Variants in CADM2 observed in about 807,000 individuals in gnomAD.
The protein encoded by CADM2 is cell adhesion molecule 2.
A neutral mutation model predicts 49.8 loss-of-function variants in CADM2; 12 were observed. The observed-to-expected ratio is 0.24, with a 90% CI of 0.15 to 0.39. The LOEUF is 0.39. CADM2 is among the 10% of genes least tolerant of loss of function. The pLI, the probability that CADM2 is intolerant of heterozygous loss-of-function variation, is 1.00. For synonymous variants in CADM2, 214 were observed against 175.4 expected (o/e 1.22, Z -1.74); for missense variants, 378 against 492.3 (o/e 0.77, Z 2.20).
intron 1 of CADM2, among the ~76,000 whole-genome samples, chr3:85,562,629 A>G (rs1429210558): frequency 6.6e-6 from 1 of 152,098 alleles, no homozygotes; most frequent in Non-Finnish European, 1.5e-5. Flanking sequence ...TTTCTACATT[A>G]TATAGCCCAA....
At chr3:85,590,973 G>T (rs961439216) in intron 1 of CADM2, among the ~76,000 whole-genome samples, 1 of 150,192 alleles carries the variant, frequency 6.7e-6, no homozygotes, top group Non-Finnish European at 1.5e-5. Context: ...TGGTTGATTG[G>T]TATTTTGTAG....
intron 3 of CADM2, among the ~76,000 whole-genome samples, chr3:85,877,318 GT>G (rs934131369): frequency 1.3e-5 from 2 of 151,914 alleles, no homozygotes; most frequent in African/African-American, 4.8e-5. Flanking sequence ...AAATGTTTGA[GT>G]TTTTAGTTTA....
intron 1 of CADM2, among the ~76,000 whole-genome samples, chr3:85,624,263 C>T (rs1308346534): frequency 6.6e-6 from 1 of 152,082 alleles, no homozygotes; most frequent in Non-Finnish European, 1.5e-5. Context: ...TAATATCTAG[C>T]CAGACTATTT....
At chr3:85,583,638 A>G (rs1419391737) in intron 1 of CADM2, among the ~76,000 whole-genome samples, 1 of 152,150 alleles carries the variant, frequency 6.6e-6, no homozygotes, top group Non-Finnish European at 1.5e-5. Flanking sequence ...TTATCATTAA[A>G]TGTGGGAGCA....
chr3:84,982,731 A>ATATATG (rs2032271199), intron 1 of CADM2, among the ~76,000 whole-genome samples: 2 of 114,852 alleles, frequency 1.7e-5, no homozygotes, highest in Non-Finnish European at 1.9e-5. Context: ...ATATATATAT[A>ATATATG]TATACATTTT....
intron 1 of CADM2, among the ~76,000 whole-genome samples, chr3:85,592,999 A>C (rs1028936948): frequency 6.6e-6 from 1 of 151,862 alleles, no homozygotes; most frequent in East Asian, 1.9e-4. Context: ...AAGGGACTCC[A>C]AAGAGCCTGT....
chr3:85,891,988 GT>G (rs1178881705), intron 5 of CADM2, among the ~76,000 whole-genome samples: 1 of 152,168 alleles, frequency 6.6e-6, no homozygotes, highest in East Asian at 1.9e-4. Context: ...TTACACAGCA[GT>G]ATTAGGAAAC....
chr3:85,916,847 T>G (rs1397665034), intron 6 of CADM2, among the ~76,000 whole-genome samples: 1 of 152,170 alleles, frequency 6.6e-6, no homozygotes, highest in Non-Finnish European at 1.5e-5. Flanking sequence ...TTTCCTGACT[T>G]TTTAATGATC....
chr3:85,409,832 A>G (rs2035575832), intron 1 of CADM2, among the ~76,000 whole-genome samples: 1 of 152,178 alleles, frequency 6.6e-6, no homozygotes, highest in East Asian at 1.9e-4. Flanking sequence ...AGATGGCCCC[A>G]AATTTTCTAC....
At chr3:85,645,940 C>T (rs946443955) in intron 1 of CADM2, among the ~76,000 whole-genome samples, 2 of 152,000 alleles carry the variant, frequency 1.3e-5, no homozygotes, top group African/African-American at 4.8e-5. Flanking sequence ...TATGGTGTCT[C>T]TTTTAGAAAT....
intron 1 of CADM2, among the ~76,000 whole-genome samples, chr3:85,371,017 T>G (rs1450747954): frequency 6.6e-6 from 1 of 152,186 alleles, no homozygotes; most frequent in Non-Finnish European, 1.5e-5. Context: ...GTTTTGTATT[T>G]TATACAGGTG....
chr3:85,691,871 A>C (rs1316516189), intron 1 of CADM2, among the ~76,000 whole-genome samples: 1 of 152,192 alleles, frequency 6.6e-6, no homozygotes, highest in East Asian at 1.9e-4. Flanking sequence ...AAACTATTGC[A>C]AGGACAAAAA....
intron 1 of CADM2, among the ~76,000 whole-genome samples, chr3:85,002,042 T>C (rs112830512): frequency 1.8e-4 from 27 of 152,092 alleles, no homozygotes; most frequent in African/African-American, 6.3e-4. Context: ...ATTTAAAAAT[T>C]TTTATTCTAC....
At chr3:85,154,268 AG>A (rs2040026916) in intron 1 of CADM2, among the ~76,000 whole-genome samples, 1 of 152,226 alleles carries the variant, frequency 6.6e-6, no homozygotes, top group Admixed American at 6.5e-5. Flanking sequence ...CTGAAAACCA[AG>A]GCTCGAGAAC....
intron 5 of CADM2, among the ~76,000 whole-genome samples, chr3:85,903,236 C>T (rs1188402214): frequency 6.6e-6 from 1 of 151,554 alleles, no homozygotes; most frequent in African/African-American, 2.4e-5. Context: ...TTTTTAATCA[C>T]TTAAGAGAAG....
At chr3:85,009,131 T>C (rs957279844) in intron 1 of CADM2, among the ~76,000 whole-genome samples, 2 of 152,166 alleles carry the variant, frequency 1.3e-5, no homozygotes, top group Non-Finnish European at 2.9e-5. Flanking sequence ...CCTGGGGAAG[T>C]TGAGAATGAA....
At chr3:84,975,808 T>G (rs1278087854) in intron 1 of CADM2, among the ~76,000 whole-genome samples, 1 of 151,866 alleles carries the variant, frequency 6.6e-6, no homozygotes, top group Non-Finnish European at 1.5e-5. Flanking sequence ...TGTAGAGAGA[T>G]AATCTCTGAG....
At chr3:85,414,839 G>T (rs2035843591) in intron 1 of CADM2, among the ~76,000 whole-genome samples, 1 of 152,072 alleles carries the variant, frequency 6.6e-6, no homozygotes, top group Non-Finnish European at 1.5e-5. Flanking sequence ...GGAAGGGGTG[G>T]AGTGAAAATG....
chr3:86,059,406 G>C (rs541412298), intron 8 of CADM2, among the ~76,000 whole-genome samples: 1 of 152,028 alleles, frequency 6.6e-6, no homozygotes, highest in East Asian at 1.9e-4. Context: ...TTTTCTCTTT[G>C]GAGTCTTTAC....
Sources: gnomAD v4.1 joint callset for allele counts (sites outside exome capture counted in the v4.1 genomes callset) on GRCh38, gnomAD v4.1.1 for gene constraint, MANE v1.5 for transcripts, NCBI Gene and HGNC (gene_info 2026-07-23, HGNC 2026-07-21) for gene names.